CERT1: variants seen among roughly 807,000 people sequenced by gnomAD.
The protein encoded by CERT1 is ceramide transporter 1.
Under a neutral mutation model 87.9 loss-of-function variants are expected in CERT1, and 31 were observed. The ratio of observed to expected loss-of-function variants is 0.35; its 90% CI spans 0.27 to 0.48. The LOEUF (loss-of-function observed/expected upper bound fraction) is 0.48. Ranked by LOEUF, CERT1 falls within the 20% of genes least tolerant of loss-of-function variation. CERT1 has a pLI of 0.99. For missense variants in CERT1, 487 were observed against 758.0 expected (o/e 0.64, Z 4.20); for synonymous variants, 289 against 250.9 (o/e 1.15, Z -1.44).
At chr5:75,444,780 C>T (rs1012374386) in intron 3 of CERT1, among the ~76,000 whole-genome samples, 13 of 151,786 alleles carry the variant, frequency 8.6e-5, no homozygotes, top group African/African-American at 1.7e-4. Context: ...CTCTTGACCT[C>T]GTGATCTGCC....
intron 2 of CERT1, among the ~76,000 whole-genome samples, chr5:75,497,769 T>C (rs754860841): frequency 6.6e-5 from 10 of 152,072 alleles, no homozygotes; most frequent in Non-Finnish European, 1.0e-4. Context: ...GGGTATTTCT[T>C]CATAGGAGCA....
chr5:75,463,991 A>C (rs1456548273), intron 2 of CERT1, among the ~76,000 whole-genome samples: 1 of 152,108 alleles, frequency 6.6e-6, no homozygotes, highest in Non-Finnish European at 1.5e-5. Context: ...GGGAGGCCTG[A>C]TGGTTGGCTT....
intron 2 of CERT1, among the ~76,000 whole-genome samples, chr5:75,501,031 C>G (rs565027292): frequency 6.6e-6 from 1 of 151,512 alleles, no homozygotes; most frequent in South Asian, 2.1e-4. Context: ...CTCTGTCTCC[C>G]AGCCTGGAGG....
At chr5:75,486,459 T>C (rs1207282138) in intron 2 of CERT1, among the ~76,000 whole-genome samples, 9 of 152,036 alleles carry the variant, frequency 5.9e-5, no homozygotes, top group Middle Eastern at 3.2e-3. Context: ...ACCTTCACCA[T>C]TGCTATTCAA....
Position 75,399,345 on chromosome 5 carries a change from T to C in CERT1, c.1153A>G (p.Ser385Gly). 6.2e-7 allele frequency: 1 copy of C among 1,613,658 alleles called. No homozygotes were observed. The highest frequency in any genetic ancestry group is 8.5e-7 in the Non-Finnish European group (1 of 1,179,694). The part of the protein sequence containing the change: ...SSSMSSIDLV[S>G]ASDDVHRFSS... ...AATCTGTGAACATCATCAGAGGCACTGACTAGATCAATGGAAGACATGGAG... is the reference window on the plus strand; with the variant it reads ...AATCTGTGAACATCATCAGAGGCACCGACTAGATCAATGGAAGACATGGAG... Residue 385 changes from serine (S) to glycine (G), a missense_variant, in exon 11 of 17, where the codon AGT becomes GGT. By Grantham distance (56) the Ser-to-Gly change is moderately conservative. This residue lies in a region of CERT1 where 91 missense variants were observed against 86.7 expected (regional missense o/e 1.05). Coordinates refer to ENST00000643780, the MANE Select transcript of CERT1 (RefSeq NM_001379029.1).
intron 1 of CERT1, among the ~76,000 whole-genome samples, chr5:75,507,326 G>A (rs368047231): frequency 1.4e-4 from 22 of 151,940 alleles, no homozygotes; most frequent in South Asian, 6.2e-4. Flanking sequence ...GCCAAGGCTC[G>A]TCTCAAACTC....
At chr5:75,447,291 A>T (rs1307427464) in intron 3 of CERT1, among the ~76,000 whole-genome samples, 2 of 152,138 alleles carry the variant, frequency 1.3e-5, no homozygotes, top group Non-Finnish European at 2.9e-5. Flanking sequence ...GTGGGGAGAC[A>T]GATTCTGGGT....
intron 3 of CERT1, among the ~76,000 whole-genome samples, chr5:75,445,131 A>C (rs1764484827): frequency 6.6e-6 from 1 of 152,242 alleles, no homozygotes; most frequent in South Asian, 2.1e-4. Flanking sequence ...TAGTCTACTG[A>C]AAACAAAATC....
chr5:75,386,476 A>T (rs1761789128), intron 12 of CERT1, among the ~76,000 whole-genome samples: 1 of 152,244 alleles, frequency 6.6e-6, no homozygotes, highest in Non-Finnish European at 1.5e-5. Flanking sequence ...TTATTTGTTA[A>T]ATCAATGGCT....
chr5:75,463,013 G>C (rs1048845032), intron 2 of CERT1, among the ~76,000 whole-genome samples: 10 of 115,218 alleles, frequency 8.7e-5, no homozygotes, highest in African/African-American at 4.0e-4. Flanking sequence ...AAAAAAAAAA[G>C]TCATGGACAT....
rs80031293 is a variant in CERT1 at position 75,501,364 on chromosome 5, A to G, written c.231+4618T>C. ...AAACATAAAACTGGCAAATTTCCCT[A>G]AAACCAACCTATGATAAGAATAATA... is the stretch of plus-strand genomic sequence containing the variant. On this transcript the variant is annotated intron_variant, in intron 2 of 16. Coordinates refer to ENST00000643780, the MANE Select transcript of CERT1 (RefSeq NM_001379029.1). Among the ~76,000 whole-genome samples, 1,232 of 152,308 alleles carry G rather than the reference A, an allele frequency of 8.1e-3. 18 individuals are homozygous for G. Among genetic ancestry groups the G allele is most frequent in the African/African-American group, 0.028 (1,184 of 41,550 alleles).
intron 8 of CERT1, among the ~76,000 whole-genome samples, chr5:75,404,561 A>AG (rs1762631173): frequency 6.6e-6 from 1 of 152,210 alleles, no homozygotes; most frequent in Non-Finnish European, 1.5e-5. Flanking sequence ...TCCAAACTCA[A>AG]GCATATTTTC....
intron 3 of CERT1, among the ~76,000 whole-genome samples, chr5:75,444,351 G>A (rs1198884005): frequency 2.0e-5 from 3 of 152,154 alleles, no homozygotes; most frequent in African/African-American, 7.2e-5. Flanking sequence ...ACTGCGCCTG[G>A]CCTGATCATG....
intron 3 of CERT1, among the ~76,000 whole-genome samples, chr5:75,456,871 G>C (rs1409414194): frequency 6.6e-6 from 1 of 151,956 alleles, no homozygotes; most frequent in Non-Finnish European, 1.5e-5. Context: ...TATATACTTC[G>C]TGCATTAATC....
chr5:75,437,020 A>G (rs1764124213), intron 3 of CERT1, among the ~76,000 whole-genome samples: 1 of 152,144 alleles, frequency 6.6e-6, no homozygotes, highest in African/African-American at 2.4e-5. Flanking sequence ...TGTTGGGGTC[A>G]AGCGATTCTC....
rs1369614393 is a variant in CERT1, at chr5:75,400,490, TTCTTTC to T, written c.1018-199_1018-194del. ...GCCTCAGATATCCCAATTTAACCTC[TTCTTTC>T]TGACTCCACAGATACTATGTTAGGC... On this transcript the variant is annotated intron_variant, in intron 9 of 16. Transcript: ENST00000643780. 7.8e-6 allele frequency: 4 copies of T among 515,984 alleles called. No homozygotes were observed. The East Asian group carries it at 1.2e-4, about 16-fold the overall frequency. 32.0% of individuals were successfully genotyped at this position (515,984 alleles called of 1,614,324 possible).
chr5:75,408,185 A>T (rs1461890387), intron 8 of CERT1, among the ~76,000 whole-genome samples: 4 of 152,194 alleles, frequency 2.6e-5, no homozygotes, highest in Non-Finnish European at 5.9e-5. Context: ...CCTCAAACCT[A>T]TGTGATATAG....
rs1171813951 is a variant in CERT1, at chr5:75,378,792, C to G, written c.*554G>C. ...AGAATACAGGAAGTTTGCACTTCTA[C>G]AATTCTACAGTTCTATAATATCAAA... On this transcript the variant is annotated 3_prime_UTR_variant, in exon 17 of 17. Coordinates refer to ENST00000643780, the MANE Select transcript of CERT1 (RefSeq NM_001379029.1). 6.6e-6 allele frequency: 1 copy of G among 152,194 alleles called. No individual in the cohort carries two copies. 9.4% of individuals were successfully genotyped at this position (152,194 alleles called of 1,614,324 possible). A position where few individuals can be genotyped will look rare whatever the true frequency, so the allele number is the denominator to read the frequency against.
At chr5:75,461,597 C>T (rs1242845621) in intron 2 of CERT1, among the ~76,000 whole-genome samples, 2 of 152,216 alleles carry the variant, frequency 1.3e-5, no homozygotes, top group East Asian at 3.9e-4. Flanking sequence ...AAATGTTTTA[C>T]ATTTTGTAAT....
Sources: gnomAD v4.1 joint callset for allele counts (sites outside exome capture counted in the v4.1 genomes callset) on GRCh38, gnomAD v4.1.1 for gene constraint, gnomAD v4.1.1 regional missense constraint, MANE v1.5 for transcripts, NCBI Gene and HGNC (gene_info 2026-07-23, HGNC 2026-07-21) for gene names.